Variants in AFDN observed in about 807,000 individuals in gnomAD.
AFDN encodes afadin.
In AFDN, 68 loss-of-function variants were observed where a neutral mutation model predicts 216.6. The observed-to-expected ratio is 0.31, with a 90% confidence interval of 0.26 to 0.38. The LOEUF (loss-of-function observed/expected upper bound fraction) is 0.38, where lower values mean the gene tolerates loss of function less well. AFDN is among the 10% of genes least tolerant of loss of function. AFDN has a pLI of 1.00. For synonymous variants in AFDN, 868 were observed against 853.7 expected, an observed-to-expected ratio of 1.02 and a Z score of -0.29; for missense variants, 2,136 against 2,342.0, an observed-to-expected ratio of 0.91 and a Z score of 1.82.
intron 12 of AFDN, among the ~76,000 whole-genome samples, chr6:167,906,077 T>G (rs903564728): frequency 5.3e-5 from 8 of 152,206 alleles, no homozygotes; most frequent in African/African-American, 1.4e-4. Flanking sequence ...CACTCCAGCC[T>G]GGGTGACAGA....
intron 23 of AFDN, among the ~76,000 whole-genome samples, chr6:167,932,424 G>A (rs975998180): frequency 3.9e-5 from 6 of 152,186 alleles, no homozygotes; most frequent in Non-Finnish European, 7.3e-5. Context: ...ACAACATGAT[G>A]CTTCCTGTTT....
At chr6:167,920,118 C>T (rs1215217551) in intron 21 of AFDN, among the ~76,000 whole-genome samples, 1 of 152,088 alleles carries the variant, frequency 6.6e-6, no homozygotes, top group Non-Finnish European at 1.5e-5. Flanking sequence ...CAGAGAGAGG[C>T]CAAGGTGAGA....
chr6:167,963,753 C>T, intron 31 of AFDN: 1 of 1,062,268 alleles, frequency 9.4e-7, no homozygotes, highest in Non-Finnish European at 1.1e-6. Flanking sequence ...TTAGGTTCCC[C>T]TGTGAGTCTT....
At chr6:167,966,268 A>G in intron 32 of AFDN, 3 of 1,518,636 alleles carry the variant, frequency 2.0e-6, no homozygotes, top group Non-Finnish European at 2.6e-6. Flanking sequence ...AGCCACTGCA[A>G]AGGTAGAGGT....
At chr6:167,858,962 A>C (rs971101045) in intron 1 of AFDN, among the ~76,000 whole-genome samples, 2 of 151,890 alleles carry the variant, frequency 1.3e-5, no homozygotes, top group Non-Finnish European at 2.9e-5. Flanking sequence ...GGTTTCTAGG[A>C]GCTTTATAGG....
At chr6:167,959,154 C>T (rs977706432) in intron 30 of AFDN, among the ~76,000 whole-genome samples, 8 of 152,232 alleles carry the variant, frequency 5.3e-5, no homozygotes, top group African/African-American at 1.9e-4. Context: ...TGTTAAGTCT[C>T]TGCCACAAGG....
intron 23 of AFDN, among the ~76,000 whole-genome samples, chr6:167,926,236 G>T (rs200158463): frequency 6.6e-6 from 1 of 152,184 alleles, no homozygotes; most frequent in South Asian, 2.1e-4. Context: ...GCTCTAATTT[G>T]TGAAGGGTCC....
intron 11 of AFDN, among the ~76,000 whole-genome samples, chr6:167,901,653 TG>T (rs1161016123): frequency 3.3e-5 from 5 of 152,156 alleles, no homozygotes; most frequent in Non-Finnish European, 7.3e-5. Flanking sequence ...CTGTTCCTCA[TG>T]TGTCACTTTC....
intron 6 of AFDN, among the ~76,000 whole-genome samples, 157 bp downstream of exon 6, chr6:167,880,674 C>T (rs934117122): frequency 6.6e-6 from 1 of 152,024 alleles, no homozygotes; most frequent in Non-Finnish European, 1.5e-5. Flanking sequence ...AAAAAGCAGT[C>T]TCCCTTCCAT....
At position 167,880,443 on chromosome 6, in the gene AFDN, G is replaced by T. The variant is rs1459669691; in HGVS notation, c.823G>T (p.Asp275Tyr). The change falls in exon 6 of 34, where the codon GAC becomes TAC. Residue 275 changes from aspartate to tyrosine, a missense_variant. By Grantham distance (160) the Asp-to-Tyr change is radical. Transcript: ENST00000683244. ...CCTGCTGTCTACTACAGATCCTGCA[G>T]ACTTTGCTGTGGCTGAAGCTTTAGA... ...TILLSTTDPA[D>Y]FAVAEALEKY... The T allele has an allele frequency of 6.2e-7, 1 of 1,613,892 alleles. No individual in the cohort carries two copies. The highest frequency in any genetic ancestry group is 8.5e-7 in the Non-Finnish European group (1 of 1,179,812).
intron 2 of AFDN, among the ~76,000 whole-genome samples, chr6:167,869,156 G>A (rs1269372156): frequency 1.3e-5 from 2 of 152,050 alleles, no homozygotes; most frequent in Admixed American, 6.6e-5. Context: ...TGACTGTGAG[G>A]TGATGTGACT....
intron 12 of AFDN, among the ~76,000 whole-genome samples, chr6:167,905,704 A>G (rs989250662): frequency 4.2e-5 from 6 of 144,314 alleles, no homozygotes; most frequent in African/African-American, 1.8e-4. Context: ...GCATATAAAC[A>G]TACTCTAATT....
chr6:167,848,507 G>A (rs548475435), intron 1 of AFDN, among the ~76,000 whole-genome samples: 12 of 152,052 alleles, frequency 7.9e-5, no homozygotes, highest in Non-Finnish European at 1.6e-4. Flanking sequence ...TTAATAAATT[G>A]TATATACTTT....
At position 167,835,442 on chromosome 6, in the gene AFDN, C is replaced by CT. The variant is rs1303484588; in HGVS notation, c.105+8214dup. Among the ~76,000 whole-genome samples, 8 of 151,670 alleles carry CT rather than the reference C, an allele frequency of 5.3e-5. No homozygotes were observed. In the South Asian group the frequency reaches 1.0e-3, roughly 20 times the overall value. Reference sequence around the variant, plus strand: ...CACAACTTAAACAATTGCTCATATACTTTTTTTTTGAGACAGCTGTCAAGC... The same window carrying CT: ...CACAACTTAAACAATTGCTCATATACTTTTTTTTTTGAGACAGCTGTCAAGC... On this transcript the variant is annotated intron_variant, in intron 1 of 33. Coordinates refer to ENST00000683244, the MANE Select transcript of AFDN (RefSeq NM_001386888.1).
chr6:167,915,140 C>T, intron 18 of AFDN, 28 bp from the exon 19 acceptor site: 1 of 1,610,594 alleles, frequency 6.2e-7, no homozygotes, highest in Non-Finnish European at 8.5e-7. Flanking sequence ...CATTTTGCTC[C>T]TCTTGTCCTC....
At chr6:167,966,352 G>A in intron 32 of AFDN, 3 of 1,243,346 alleles carry the variant, frequency 2.4e-6, no homozygotes, top group Non-Finnish European at 3.2e-6. Flanking sequence ...TTGCCCTGTA[G>A]TATGGTCCAT....
chr6:167,963,234 T>A (rs1797212428), intron 31 of AFDN: 1 of 1,064,490 alleles, frequency 9.4e-7, no homozygotes, highest in East Asian at 5.0e-5. Flanking sequence ...TCTCCCTTTG[T>A]CCTGTGTGTG....
At chr6:167,875,526 C>G in intron 5 of AFDN, 31 bp downstream of exon 5, 1 of 1,606,990 alleles carries the variant, frequency 6.2e-7, no homozygotes, top group Non-Finnish European at 8.5e-7. Context: ...TCTGTTCTAC[C>G]TGTTACAAAG....
Position 167,962,491 on chromosome 6 carries a change from C to G in AFDN, c.4892C>G (p.Ala1631Gly). 6.2e-7 allele frequency: 1 copy of G among 1,613,650 alleles called. No homozygotes were observed. Among genetic ancestry groups the G allele is most frequent in the Non-Finnish European group, 8.5e-7 (1 of 1,179,712 alleles). ...TTAGAAGAGATGCGCAAGCGGGAAG[C>G]GGAAGACCGAGCGAGGCAAGAGGAA... ...QQLEEMRKRE[A>G]EDRARQEEER... The change falls in exon 31 of 34, where the codon GCG (alanine) becomes GGG (glycine). Residue 1631 changes from alanine (A) to glycine (G), a missense_variant. By Grantham distance (60) the Ala-to-Gly change is moderately conservative (BLOSUM62 0). Coordinates refer to ENST00000683244, the MANE Select transcript of AFDN (RefSeq NM_001386888.1). This position sits in a 1 kb window ranked among gnomAD's most constrained non-coding sequence, Gnocchi z 5.2.
Sources: allele counts gnomAD v4.1 joint callset (sites outside exome capture counted in the v4.1 genomes callset), GRCh38; gene constraint gnomAD v4.1.1; non-coding constraint Gnocchi (gnomAD v3.1); transcripts MANE v1.5; gene names NCBI Gene and HGNC (gene_info 2026-07-23, HGNC 2026-07-21).